GALNS: variants seen among roughly 807,000 people sequenced by gnomAD.
The protein encoded by GALNS is galactosamine (N-acetyl)-6-sulfatase, also known as N-acetylgalactosamine-6-sulfatase.
In GALNS, 65 loss-of-function variants were observed where a neutral mutation model predicts 65.9. That is an observed-to-expected ratio of 0.99 (90% confidence interval 0.81 to 1.21). The LOEUF is 1.21. Ranked by LOEUF, GALNS falls within the 50% of genes most tolerant of loss-of-function variation. The probability of loss-of-function intolerance (pLI) is 0.00; values close to 1 mark genes in which losing one functional copy is unlikely to be tolerated. For missense variants in GALNS, 776 were observed against 700.7 expected, an observed-to-expected ratio of 1.11 and a Z score of -1.21; for synonymous variants, 346 against 288.9, an observed-to-expected ratio of 1.20 and a Z score of -2.00.
chr16:88,856,505 A>G, intron 1 of GALNS: 2 of 697,364 alleles, frequency 2.9e-6, no homozygotes, highest in Non-Finnish European at 5.2e-6. Flanking sequence ...GCGTGTGGTG[A>G]TCGGTGACCG....
At chr16:88,819,925 C>G (rs994548411) in intron 12 of GALNS, among the ~76,000 whole-genome samples, 1 of 152,162 alleles carries the variant, frequency 6.6e-6, no homozygotes, top group Admixed American at 6.5e-5. Flanking sequence ...AACTCCTGAC[C>G]TCATGATCTG....
At chr16:88,853,058 C>T (rs922247638) in intron 1 of GALNS, among the ~76,000 whole-genome samples, 1 of 151,948 alleles carries the variant, frequency 6.6e-6, no homozygotes, top group Admixed American at 6.6e-5. Context: ...TCAGGCCAGA[C>T]TGGCCAATAT....
In GALNS at chr16:88,813,922, C is replaced by A. The variant is rs1465516853; in HGVS notation, c.*517G>T. On this transcript the variant is annotated 3_prime_UTR_variant, in exon 14 of 14. Transcript: ENST00000268695. ...CAAACGCTTATATGATTGCCCCGTT[C>A]CCTTACTGTTTACATAAAAATGCGG... is the stretch of plus-strand genomic sequence containing the variant. The A allele has an allele frequency of 9.9e-6, 2 of 202,718 alleles. No individual in the cohort carries two copies. Among genetic ancestry groups the A allele is most frequent in the African/African-American group, 4.6e-5 (2 of 43,404 alleles). 12.6% of individuals were successfully genotyped at this position (202,718 alleles called of 1,614,324 possible).
chr16:88,854,115 G>A (rs549508357), intron 1 of GALNS, among the ~76,000 whole-genome samples: 1 of 152,294 alleles, frequency 6.6e-6, no homozygotes, highest in East Asian at 1.9e-4. Flanking sequence ...CCGGTCCCTG[G>A]AGGGCCATGC....
Position 88,814,917 on chromosome 16 carries a change from G to A in GALNS, c.1483-392C>T, listed in dbSNP as rs532171307. 6 of 513,000 alleles carry A rather than the reference G, an allele frequency of 1.2e-5. No homozygotes were observed. In the South Asian group the frequency reaches 5.1e-4, roughly 44 times the overall value. 31.8% of individuals were successfully genotyped at this position (513,000 alleles called of 1,614,324 possible). A position where few individuals can be genotyped will look rare whatever the true frequency, so the allele number is the denominator to read the frequency against. On this transcript the variant is annotated intron_variant, in intron 13 of 13. Coordinates refer to ENST00000268695, the MANE Select transcript of GALNS (RefSeq NM_000512.5). ...CCCAACCATTTTTGTATTTTTGGTA[G>A]AGACAAGGGTTCCCCAAGTTGGCCA... is the stretch of plus-strand genomic sequence containing the variant.
chr16:88,829,802 G>C (rs191050484), intron 9 of GALNS, among the ~76,000 whole-genome samples: 62 of 152,354 alleles, frequency 4.1e-4, no homozygotes, highest in Admixed American at 1.0e-3. Context: ...GCCAATCCCT[G>C]GGCCTTCAGG....
chr16:88,856,774 A>C lies in GALNS; in HGVS notation c.104T>G (p.Leu35Arg). 6.5e-7 allele frequency: 1 copy of C among 1,539,442 alleles called. No individual in the cohort carries two copies. Among genetic ancestry groups the C allele is most frequent in the Non-Finnish European group, 8.7e-7 (1 of 1,151,790 alleles). Reference protein sequence around the residue: ...SGAPQPPNILLLLMDDMGWGD... With the variant: ...SGAPQPPNILRLLMDDMGWGD... Reference sequence around the variant, plus strand: ...CGCACTCACGTCGTCCATGAGCAGGAGCAGGATGTTGGGGGGCTGCGGGGC... The same window carrying C: ...CGCACTCACGTCGTCCATGAGCAGGCGCAGGATGTTGGGGGGCTGCGGGGC... Residue 35 changes from leucine (L) to arginine (R), a missense_variant, in exon 1 of 14, where the codon CTC (leucine) becomes CGC (arginine). Physicochemically the swap from Leu to Arg is moderately radical, Grantham distance 102 (BLOSUM62 -2). Coordinates refer to ENST00000268695, the MANE Select transcript of GALNS (RefSeq NM_000512.5).
At chr16:88,842,463 G>T in intron 2 of GALNS, 1 of 588,890 alleles carries the variant, frequency 1.7e-6, no homozygotes, top group Admixed American at 3.0e-5. Context: ...CTGGGAAACA[G>T]AACAGCAGCC....
In GALNS at chr16:88,814,343, CAGGGTTGGGGG is replaced by C; in HGVS notation, c.*85_*95del. 1 of 1,495,692 alleles carries C rather than the reference CAGGGTTGGGGG, an allele frequency of 6.7e-7. No individual in the cohort carries two copies. The highest frequency in any genetic ancestry group is 9.1e-7 in the Non-Finnish European group (1 of 1,099,548). The allele number at this position is 1,495,692 out of a possible 1,614,324, so 92.7% of individuals were successfully genotyped here. The stretch of plus-strand genomic sequence containing the variant: ...GCAGGTGCTGTCTGTCTGGCTTGGG[CAGGGTTGGGGG>C]AGGACCGAGGCCAGAGCCATCCTTC... On this transcript the variant is annotated 3_prime_UTR_variant, in exon 14 of 14. Transcript: ENST00000268695.
rs369448232 is a variant in GALNS, at chr16:88,856,931, C to T, written c.-54G>A. 4.2e-3 allele frequency: 6,248 copies of T among 1,470,972 alleles called. 23 individuals are homozygous for T. The highest frequency in any genetic ancestry group is 0.01 in the South Asian group (780 of 76,964). The allele number at this position is 1,470,972 out of a possible 1,614,324, so 91.1% of individuals were successfully genotyped here. A position where few individuals can be genotyped will look rare whatever the true frequency, so the allele number is the denominator to read the frequency against. ...CCAGCGAGCCGACCTAGCGAGCGTC[C>T]GCCGGCCCTTCCGGCTGGGCTGCGG... On this transcript the variant is annotated 5_prime_UTR_variant, in exon 1 of 14. Transcript: ENST00000268695.
At chr16:88,834,898 G>C (rs1911948444) in intron 8 of GALNS, among the ~76,000 whole-genome samples, 1 of 152,186 alleles carries the variant, frequency 6.6e-6, no homozygotes, top group Admixed American at 6.5e-5. Context: ...CACCGGCCCT[G>C]CTGTTTCCAT....
intron 1 of GALNS, chr16:88,855,533 A>G (rs2143011831): frequency 1.4e-6 from 1 of 702,328 alleles, no homozygotes; most frequent in South Asian, 1.5e-5. Context: ...CTGCACACAA[A>G]TAAGACATAT....
rs1967952855 is a variant in GALNS at position 88,856,920 on chromosome 16, T to TAGCGAGCGTCCGCCGGCCC, written c.-62_-44dup. On this transcript the variant is annotated 5_prime_UTR_variant, in exon 1 of 14. Transcript: ENST00000268695. ...CGGAGCCCCGGCCAGCGAGCCGACC[T>TAGCGAGCGTCCGCCGGCCC]AGCGAGCGTCCGCCGGCCCTTCCGG... is the stretch of plus-strand genomic sequence containing the variant. 6.7e-7 allele frequency: 1 copy of TAGCGAGCGTCCGCCGGCCC among 1,484,026 alleles called. No homozygotes were observed. The highest frequency in any genetic ancestry group is 1.3e-5 in the South Asian group (1 of 78,990). 91.9% of individuals were successfully genotyped at this position (1,484,026 alleles called of 1,614,324 possible). A position where few individuals can be genotyped will look rare whatever the true frequency, so the allele number is the denominator to read the frequency against.
chr16:88,827,681 G>A (rs1911074916), intron 9 of GALNS, among the ~76,000 whole-genome samples: 4 of 152,120 alleles, frequency 2.6e-5, no homozygotes, highest in South Asian at 2.1e-4. Context: ...CCCAACCTCA[G>A]GTGATCTGCC....
intron 4 of GALNS, among the ~76,000 whole-genome samples, chr16:88,839,399 C>G (rs539150775): frequency 1.3e-5 from 2 of 152,388 alleles, no homozygotes; most frequent in African/African-American, 4.8e-5. Context: ...ACAAATTAAG[C>G]TGTCAGCTCA....
intron 12 of GALNS, among the ~76,000 whole-genome samples, 200 bp from the exon 13 acceptor site, chr16:88,818,324 C>T (rs1018956298): frequency 2.6e-5 from 4 of 152,194 alleles, no homozygotes; most frequent in Non-Finnish European, 4.4e-5. Flanking sequence ...CCTCTGCCCT[C>T]AGACTCACGG....
chr16:88,824,756 G>C lies in GALNS; in HGVS notation c.1242+11C>G. On this transcript the variant is annotated intron_variant, in intron 11 of 13. Transcript: ENST00000268695. ...GCAGCTCCGCCTGCGCCCACGTCCC[G>C]AGCCCTGTACCTGTCTGAAGTTCTC... 1 of 1,611,266 alleles carries C rather than the reference G, an allele frequency of 6.2e-7. No homozygotes were observed. The highest frequency in any genetic ancestry group is 8.5e-7 in the Non-Finnish European group (1 of 1,178,356).
chr16:88,820,577 T>C (rs960951053), intron 12 of GALNS, among the ~76,000 whole-genome samples: 12 of 152,260 alleles, frequency 7.9e-5, no homozygotes, highest in Non-Finnish European at 1.3e-4. Context: ...GGCCTCCTTG[T>C]GACCCCCTCT....
In GALNS at chr16:88,825,074, T is replaced by C. The variant is rs1458131841; in HGVS notation, c.1140-205A>G. The stretch of plus-strand genomic sequence containing the variant: ...GGCGGCCGGGGCTGGAGCTCCTGGG[T>C]GGCCAGGGCTGGGGTGACTGGGTAT... On this transcript the variant is annotated intron_variant, in intron 10 of 13. Coordinates refer to ENST00000268695, the MANE Select transcript of GALNS (RefSeq NM_000512.5). 9.3e-3 allele frequency among the ~76,000 whole-genome samples: 1,166 copies of C among 125,926 alleles called. 30 individuals carry two copies. The highest frequency in any genetic ancestry group is 0.034 in the African/African-American group (1,084 of 32,278). The allele number at this position is 125,926 out of a possible 152,430, so 82.6% of individuals were successfully genotyped here.
Sources: gnomAD v4.1 joint callset for allele counts (sites outside exome capture counted in the v4.1 genomes callset) on GRCh38, gnomAD v4.1.1 for gene constraint, MANE v1.5 for transcripts, NCBI Gene and HGNC (gene_info 2026-07-23, HGNC 2026-07-21) for gene names.